Variants in BCAP29 observed in about 807,000 individuals in gnomAD.
The protein encoded by BCAP29 is B cell receptor associated protein 29.
A neutral mutation model predicts 31.8 loss-of-function variants in BCAP29; 34 were observed. That is an observed-to-expected ratio of 1.07 (90% confidence interval 0.81 to 1.42). BCAP29 has a LOEUF of 1.42. Ranked by LOEUF, BCAP29 falls within the 40% of genes most tolerant of loss-of-function variation. The probability of loss-of-function intolerance (pLI) is 0.00; values close to 1 mark genes in which losing one functional copy is unlikely to be tolerated. For synonymous variants in BCAP29, 104 were observed against 91.3 expected (o/e 1.14, Z -0.79); for missense variants, 314 against 269.2 (o/e 1.17, Z -1.16).
rs1338344018 is a variant in BCAP29, at chr7:107,584,562, G to A, written c.193+580G>A. Among the ~76,000 whole-genome samples the A allele has an allele frequency of 2.0e-5, 3 of 152,100 alleles. No homozygotes were observed. In the South Asian group the frequency reaches 6.2e-4, roughly 31 times the overall value. ...TATCTTTACAAAAATGTAAAAATTAGCCAGGTGTGGTGATGTGCACCCATA... is the reference window on the plus strand; with the variant it reads ...TATCTTTACAAAAATGTAAAAATTAACCAGGTGTGGTGATGTGCACCCATA... On this transcript the variant is annotated intron_variant, in intron 3 of 7. Transcript: ENST00000005259.
downstream of BCAP29, chr7:107,622,831 T>C (rs1242563875): frequency 1.3e-5 from 2 of 152,226 alleles, no homozygotes; most frequent in Non-Finnish European, 2.9e-5. Flanking sequence ...AGAATGTCAG[T>C]GTTGCCAAGG....
intron 6 of BCAP29, among the ~76,000 whole-genome samples, chr7:107,611,219 A>G (rs547873166): frequency 1.3e-5 from 2 of 152,278 alleles, no homozygotes; most frequent in Non-Finnish European, 2.9e-5. Context: ...AGGTTTCAAC[A>G]TATGAATTTT....
chr7:107,618,254 T>C, intron 7 of BCAP29, 74 bp from the exon 8 acceptor site: 1 of 1,126,672 alleles, frequency 8.9e-7, no homozygotes. Context: ...AGAATGTTTT[T>C]TAAAAGTCCT....
rs372162991 is a variant in BCAP29 at position 107,595,890 on chromosome 7, T to C, written c.368T>C (p.Leu123Pro). Residue 123 changes from leucine to proline, a missense_variant, in exon 5 of 8, where the codon CTT becomes CCT. Leu to Pro is a moderately conservative substitution (Grantham distance 98). Transcript: ENST00000005259. ...FWLVLRRLVT[L>P]ITQLAKELSN... The stretch of plus-strand genomic sequence containing the variant: ...AGAGTTTTGAGACGTCTGGTTACGC[T>C]TATTACTCAACTGGCAAAAGAACTG... The C allele has an allele frequency of 3.1e-6, 5 of 1,603,872 alleles. No homozygotes were observed. Among genetic ancestry groups the C allele is most frequent in the African/African-American group, 2.7e-5 (2 of 74,246 alleles).
At chr7:107,598,891 GTATACACACACACA>G (rs1474175721) in intron 5 of BCAP29, among the ~76,000 whole-genome samples, 2 of 127,048 alleles carry the variant, frequency 1.6e-5, no homozygotes, top group African/African-American at 6.1e-5. Context: ...GGGCAATACA[GTATACACACACACA>G]CACACACACA....
chr7:107,598,606 A>G (rs1810281409), intron 5 of BCAP29, among the ~76,000 whole-genome samples: 1 of 152,152 alleles, frequency 6.6e-6, no homozygotes. Context: ...AGCACCTTAC[A>G]TTGTAAAAAT....
chr7:107,587,361 A>G (rs1447997087), intron 3 of BCAP29: 2 of 152,230 alleles, frequency 1.3e-5, no homozygotes, highest in Non-Finnish European at 2.9e-5. Context: ...GTATGTTTAC[A>G]TGACCATTGA....
intron 6 of BCAP29, among the ~76,000 whole-genome samples, chr7:107,606,675 A>G (rs1234937070): frequency 6.6e-6 from 1 of 152,096 alleles, no homozygotes; most frequent in Non-Finnish European, 1.5e-5. Context: ...ACCAATTCTC[A>G]TTAGTGTTAG....
At chr7:107,615,095 G>C (rs1813872957) in intron 7 of BCAP29, 2 of 400,268 alleles carry the variant, frequency 5.0e-6, no homozygotes, top group Non-Finnish European at 1.0e-5. Flanking sequence ...TATGCCTTCA[G>C]TTTCTTATGG....
intron 5 of BCAP29, 81 bp downstream of exon 5, chr7:107,596,083 C>T (rs1809768110): frequency 1.6e-6 from 2 of 1,230,808 alleles, no homozygotes; most frequent in African/African-American, 1.6e-5. Context: ...TCAAAAAGAG[C>T]ATTTTTATAT....
intron 3 of BCAP29, among the ~76,000 whole-genome samples, chr7:107,591,364 A>G (rs1808722333): frequency 6.6e-6 from 1 of 152,158 alleles, no homozygotes; most frequent in Admixed American, 6.5e-5. Flanking sequence ...TAAAGGGGAA[A>G]ATAAAAACAG....
chr7:107,611,247 C>T (rs567751594), intron 6 of BCAP29, among the ~76,000 whole-genome samples: 2 of 152,188 alleles, frequency 1.3e-5, no homozygotes, highest in South Asian at 2.1e-4. Flanking sequence ...GACAAGCATT[C>T]GGACCATAAC....
intron 6 of BCAP29, among the ~76,000 whole-genome samples, chr7:107,608,802 T>C (rs1188178244): frequency 6.6e-6 from 1 of 152,248 alleles, no homozygotes; most frequent in Non-Finnish European, 1.5e-5. Flanking sequence ...CACTTTGTAT[T>C]GTTCACCTGA....
intron 2 of BCAP29, among the ~76,000 whole-genome samples, chr7:107,581,543 G>A (rs1388452050): frequency 6.6e-6 from 1 of 152,082 alleles, no homozygotes; most frequent in East Asian, 1.9e-4. Context: ...CTTTTTAGTC[G>A]TTTAATTTTA....
At position 107,594,060 on chromosome 7, in the gene BCAP29, C is replaced by A. The variant is rs1156627815; in HGVS notation, c.299C>A (p.Ser100Tyr). 6.2e-7 allele frequency: 1 copy of A among 1,613,364 alleles called. No homozygotes were observed. Residue 100 changes from serine to tyrosine, a missense_variant, in exon 4 of 8, where the codon TCT (serine) becomes TAT (tyrosine). By Grantham distance (144) the Ser-to-Tyr change is moderately radical. Coordinates refer to ENST00000005259, the MANE Select transcript of BCAP29 (RefSeq NM_018844.4). ...CACACACAGATGAAACTTTTTAGGT[C>A]TCAAAGAAATCTTTACATTTCTGGA... ...YEHTQMKLFRSQRNLYISGFS... is the reference protein window; with the variant it reads ...YEHTQMKLFRYQRNLYISGFS...
chr7:107,600,359 T>G, intron 5 of BCAP29, 38 bp from the exon 6 acceptor site: 1 of 1,265,862 alleles, frequency 7.9e-7, no homozygotes, highest in East Asian at 2.3e-5. Context: ...GCTATTGCAA[T>G]CTAAGCTTAT....
At chr7:107,586,758 C>G (rs1807773610) in intron 3 of BCAP29, among the ~76,000 whole-genome samples, 1 of 133,744 alleles carries the variant, frequency 7.5e-6, no homozygotes, top group Admixed American at 8.2e-5. Context: ...GACGGGGTCT[C>G]ACTCTGTCAC....
At chr7:107,591,136 A>T (rs1190075272) in intron 3 of BCAP29, among the ~76,000 whole-genome samples, 1 of 151,926 alleles carries the variant, frequency 6.6e-6, no homozygotes, top group East Asian at 1.9e-4. Flanking sequence ...ATAAATGGGG[A>T]TTTTTCATCA....
chr7:107,611,762 T>C (rs935983689), intron 6 of BCAP29, among the ~76,000 whole-genome samples: 1 of 152,206 alleles, frequency 6.6e-6, no homozygotes, highest in Non-Finnish European at 1.5e-5. Context: ...CAGTCTTTAA[T>C]ACCTTATTTA....
Sources: gnomAD v4.1 joint callset for allele counts (sites outside exome capture counted in the v4.1 genomes callset) on GRCh38, gnomAD v4.1.1 for gene constraint, MANE v1.5 for transcripts, NCBI Gene and HGNC (gene_info 2026-07-23, HGNC 2026-07-21) for gene names.